Variants in BOLL observed in about 807,000 individuals in gnomAD.
The protein encoded by BOLL is boule RNA binding protein.
BOLL carries 23 observed loss-of-function variants against 44.4 expected under a neutral mutation model. That is an observed-to-expected ratio of 0.52 (90% CI 0.37 to 0.73). The LOEUF (loss-of-function observed/expected upper bound fraction) is 0.73, where lower values mean the gene tolerates loss of function less well. BOLL is among the 30% of genes least tolerant of loss of function. BOLL has a pLI of 0.00. For missense variants in BOLL, 287 were observed against 338.3 expected (o/e 0.85, Z 1.19); for synonymous variants, 97 against 110.8 (o/e 0.88, Z 0.78).
chr2:197,760,091 C>CAT (rs1263150986), intron 7 of BOLL, among the ~76,000 whole-genome samples: 1 of 152,170 alleles, frequency 6.6e-6, no homozygotes, highest in African/African-American at 2.4e-5. Context: ...AAAGCAGCCC[C>CAT]ATAGGCTGCT....
chr2:197,773,379 A>C (rs1178877773), intron 5 of BOLL, among the ~76,000 whole-genome samples: 6 of 151,946 alleles, frequency 3.9e-5, no homozygotes, highest in African/African-American at 1.4e-4. Flanking sequence ...GCAAAAAATA[A>C]AAAAATTAGA....
At chr2:197,759,886 C>A in intron 7 of BOLL, among the ~76,000 whole-genome samples, 1 of 152,184 alleles carries the variant, frequency 6.6e-6, no homozygotes, top group Non-Finnish European at 1.5e-5. Context: ...TGCAGACAAG[C>A]CCCTGACCTA....
intron 5 of BOLL, among the ~76,000 whole-genome samples, chr2:197,773,155 A>G (rs918166231): frequency 6.6e-6 from 1 of 151,822 alleles, no homozygotes; most frequent in African/African-American, 2.4e-5. Context: ...TTTTCCTCAG[A>G]TATATATACA....
chr2:197,756,851 T>C (rs1381877161), intron 8 of BOLL, among the ~76,000 whole-genome samples: 1 of 152,094 alleles, frequency 6.6e-6, no homozygotes, highest in Admixed American at 6.6e-5. Context: ...CCAGTAAAGG[T>C]TGTGATAATG....
intron 4 of BOLL, among the ~76,000 whole-genome samples, 166 bp downstream of exon 4, chr2:197,776,893 T>C (rs1164013520): frequency 6.6e-6 from 1 of 151,918 alleles, no homozygotes; most frequent in Non-Finnish European, 1.5e-5. Flanking sequence ...CTTGTAGTGA[T>C]TTTGGAATTT....
chr2:197,745,516 GGTAA>G lies in BOLL; in HGVS notation c.730-2361_730-2358del, dbSNP rs1393870823. ...CATTAAATAGTGCATATATTCTGAT[GGTAA>G]GTATCTGATATCAGATATTAAAAAT... On this transcript the variant is annotated intron_variant, in intron 9 of 10. Coordinates refer to ENST00000392296, the MANE Select transcript of BOLL (RefSeq NM_033030.6). Among the ~76,000 whole-genome samples, 4 of 152,152 alleles carry G rather than the reference GGTAA, an allele frequency of 2.6e-5. No homozygotes were observed. In the East Asian group the frequency reaches 7.7e-4, roughly 29 times the overall value.
chr2:197,773,134 A>T (rs2106379174), intron 5 of BOLL, among the ~76,000 whole-genome samples: 1 of 151,940 alleles, frequency 6.6e-6, no homozygotes, highest in East Asian at 1.9e-4. Flanking sequence ...ATTTGATGAA[A>T]ATCAGGGACC....
intron 7 of BOLL, among the ~76,000 whole-genome samples, chr2:197,763,351 G>A (rs533893743): frequency 2.1e-4 from 32 of 151,572 alleles, no homozygotes; most frequent in African/African-American, 7.5e-4. Flanking sequence ...GTGTAGTGGC[G>A]GGCGCCTGTA....
At position 197,760,999 on chromosome 2, in the gene BOLL, C is replaced by T. The variant is rs552622543; in HGVS notation, c.553-3599G>A. ...GCCAAGAATATTATACCCAGTAAAG[C>T]TATCCTTCAGAAATGAAGGAGAAAT... On this transcript the variant is annotated intron_variant, in intron 7 of 10. Coordinates refer to ENST00000392296, the MANE Select transcript of BOLL (RefSeq NM_033030.6). Among the ~76,000 whole-genome samples the T allele has an allele frequency of 5.3e-5, 8 of 152,186 alleles. No individual in the cohort carries two copies. The South Asian group carries it at 1.7e-3, about 32-fold the overall frequency.
In BOLL at chr2:197,728,370, C is replaced by A; in HGVS notation, c.*185G>T. The stretch of plus-strand genomic sequence containing the variant: ...CTACCTAAATAATTTTGTAGAACAG[C>A]TGAAAAAGCAAATTTCATCAAATTT... On this transcript the variant is annotated 3_prime_UTR_variant, in exon 11 of 11. Coordinates refer to ENST00000392296, the MANE Select transcript of BOLL (RefSeq NM_033030.6). 1 of 939,010 alleles carries A rather than the reference C, an allele frequency of 1.1e-6. No individual in the cohort carries two copies. The highest frequency in any genetic ancestry group is 1.6e-6 in the Non-Finnish European group (1 of 634,698). The allele number at this position is 939,010 out of a possible 1,614,324, so 58.2% of individuals were successfully genotyped here. A position where few individuals can be genotyped will look rare whatever the true frequency, so the allele number is the denominator to read the frequency against.
At position 197,777,061 on chromosome 2, in the gene BOLL, C is replaced by T; in HGVS notation, c.274G>A (p.Glu92Lys). The change falls in exon 4 of 11, where the codon GAG (glutamate) becomes AAG (lysine). Residue 92 changes from glutamate to lysine, a missense_variant and splice_region_variant. Glu to Lys is a moderately conservative substitution (Grantham distance 56, BLOSUM62 1). Coordinates refer to ENST00000392296, the MANE Select transcript of BOLL (RefSeq NM_033030.6). Reference protein sequence around the residue: ...TQEDAQKILQEAEKLNYKDKK... With the variant: ...TQEDAQKILQKAEKLNYKDKK... ...TTAAATACACCAAAAGATCATACCT[C>T]TTGTAAAATTTTTTGTGCATCTTCT... 6.4e-7 allele frequency: 1 copy of T among 1,572,452 alleles called. No homozygotes were observed. The highest frequency in any genetic ancestry group is 8.7e-7 in the Non-Finnish European group (1 of 1,152,132).
chr2:197,779,189 T>A, intron 2 of BOLL, 123 bp from the exon 3 acceptor site: 1 of 660,998 alleles, frequency 1.5e-6, no homozygotes, highest in Non-Finnish European at 2.5e-6. Flanking sequence ...CCTCTCATCA[T>A]CAAAACAGTG....
intron 9 of BOLL, among the ~76,000 whole-genome samples, chr2:197,743,463 ATGG>A (rs1430899014): frequency 6.6e-6 from 1 of 152,214 alleles, no homozygotes; most frequent in African/African-American, 2.4e-5. Context: ...TGTCCAGCAG[ATGG>A]TGGTACCATT....
In BOLL at chr2:197,743,084, C is replaced by T. The variant is rs989721357; in HGVS notation, c.805G>A (p.Val269Met). ...APSAITMPAP[V>M]MQPEPIKTVW... Reference sequence around the variant, plus strand: ...ACTTTAATTGGCTCAGGCTGCATCACAGGCGCAGGCATAGTGATGGCACTT... The same window carrying T: ...ACTTTAATTGGCTCAGGCTGCATCATAGGCGCAGGCATAGTGATGGCACTT... The change falls in exon 10 of 11, where the codon GTG (valine) becomes ATG (methionine). Residue 269 changes from valine (V) to methionine (M), a missense_variant. Physicochemically the swap from Val to Met is conservative, Grantham distance 21. Coordinates refer to ENST00000392296, the MANE Select transcript of BOLL (RefSeq NM_033030.6). 2.1e-5 allele frequency: 33 copies of T among 1,598,946 alleles called. No homozygotes were observed. The highest frequency in any genetic ancestry group is 2.8e-5 in the Non-Finnish European group (33 of 1,173,434).
intron 4 of BOLL, among the ~76,000 whole-genome samples, chr2:197,776,311 G>C (rs907246783): frequency 1.3e-5 from 2 of 151,894 alleles, no homozygotes; most frequent in African/African-American, 4.8e-5. Flanking sequence ...TATATTAGAT[G>C]TGCTTAATTC....
chr2:197,747,399 C>T (rs183405466), intron 9 of BOLL, among the ~76,000 whole-genome samples: 125 of 151,638 alleles, frequency 8.2e-4, no homozygotes, highest in Middle Eastern at 6.8e-3. Flanking sequence ...CTGGCTAACA[C>T]GGTGAAACCC....
intron 10 of BOLL, among the ~76,000 whole-genome samples, chr2:197,737,021 G>A (rs1359774080): frequency 6.6e-6 from 1 of 151,928 alleles, no homozygotes; most frequent in East Asian, 1.9e-4. Context: ...AGGCAAATAT[G>A]ATTCTTTCCA....
At position 197,754,708 on chromosome 2, in the gene BOLL, C is replaced by T. The variant is rs183933262; in HGVS notation, c.729+1720G>A. ...TAGCCTGGGCGATGGAGCAAGACTC[C>T]GTCTCAAAAAACAAAACAAAAAACA... is the stretch of plus-strand genomic sequence containing the variant. On this transcript the variant is annotated intron_variant, in intron 9 of 10. Transcript: ENST00000392296. 2.6e-4 allele frequency among the ~76,000 whole-genome samples: 39 copies of T among 151,114 alleles called. No individual in the cohort carries two copies. The East Asian group carries it at 2.8e-3, about 11-fold the overall frequency.
At chr2:197,786,040 A>G (rs1319428383), upstream of BOLL, 1 of 1,605,348 alleles carries the variant, frequency 6.2e-7, no homozygotes, top group Non-Finnish European at 8.5e-7. The surrounding 1 kb of genome is among the most constrained non-coding windows in gnomAD (Gnocchi z 5.9). Context: ...GGGTAGGGAA[A>G]AGAAGCCTAA....
Sources: allele counts gnomAD v4.1 joint callset (sites outside exome capture counted in the v4.1 genomes callset), GRCh38; gene constraint gnomAD v4.1.1; non-coding constraint Gnocchi (gnomAD v3.1); transcripts MANE v1.5; gene names NCBI Gene and HGNC (gene_info 2026-07-23, HGNC 2026-07-21).